Variants in DSCAM observed in about 807,000 individuals in gnomAD.
DSCAM encodes cell adhesion molecule DSCAM.
A neutral mutation model predicts 217.7 loss-of-function variants in DSCAM; 47 were observed. The ratio of observed to expected loss-of-function variants is 0.22; its 90% CI spans 0.17 to 0.28. DSCAM has a LOEUF of 0.28. DSCAM is among the 10% of genes least tolerant of loss of function. DSCAM has a pLI of 1.00. For missense variants in DSCAM, 2,080 were observed against 2,618.3 expected, an observed-to-expected ratio of 0.79 and a Z score of 4.49; for synonymous variants, 1,056 against 1,015.3, an observed-to-expected ratio of 1.04 and a Z score of -0.76.
At chr21:40,057,308 A>G (rs868334743) in intron 28 of DSCAM, among the ~76,000 whole-genome samples, 3 of 152,352 alleles carry the variant, frequency 2.0e-5, no homozygotes, top group Middle Eastern at 3.4e-3. Context: ...TGTTAAAAAG[A>G]GAGTAATGAA....
At chr21:40,319,200 G>A (rs2074233148) in intron 8 of DSCAM, among the ~76,000 whole-genome samples, 1 of 152,096 alleles carries the variant, frequency 6.6e-6, no homozygotes, top group Admixed American at 6.5e-5. Flanking sequence ...AATTATTTAA[G>A]GTGTACTCAA....
rs545192218 is a variant in DSCAM, at chr21:40,556,062, GAT to G, written c.508+136746_508+136747del. Reference sequence around the variant, plus strand: ...AAATAGAGTGTATAGAAGAAAAAGTGATGTTTAATATTTGCTTAAATTTTCTC... The same window carrying G: ...AAATAGAGTGTATAGAAGAAAAAGTGGTTTAATATTTGCTTAAATTTTCTC... On this transcript the variant is annotated intron_variant, in intron 3 of 32. Coordinates refer to ENST00000400454, the MANE Select transcript of DSCAM (RefSeq NM_001389.5). Among the ~76,000 whole-genome samples the G allele has an allele frequency of 6.6e-5, 10 of 152,242 alleles. No individual in the cohort carries two copies. The South Asian group carries it at 2.1e-3, about 32-fold the overall frequency.
At chr21:40,133,158 C>T in intron 19 of DSCAM, among the ~76,000 whole-genome samples, 1 of 152,212 alleles carries the variant, frequency 6.6e-6, no homozygotes, top group East Asian at 1.9e-4. Context: ...TTTATCAGAA[C>T]TTATCTGTTC....
At position 40,011,943 on chromosome 21, in the gene DSCAM, A is replaced by G. The variant is rs2088063038; in HGVS notation, c.*1091T>C. 1 of 152,242 alleles carries G rather than the reference A, an allele frequency of 6.6e-6. No homozygotes were observed. The highest frequency in any genetic ancestry group is 1.5e-5 in the Non-Finnish European group (1 of 68,050). 9.4% of individuals were successfully genotyped at this position (152,242 alleles called of 1,614,324 possible). ...TGGCAAATGTTTCCTGTAATGGGCC[A>G]GGTAATAAATATTTTAGGCTTCATG... On this transcript the variant is annotated 3_prime_UTR_variant, in exon 33 of 33. Coordinates refer to ENST00000400454, the MANE Select transcript of DSCAM (RefSeq NM_001389.5).
chr21:40,168,141 A>G (rs2090617774), intron 15 of DSCAM, among the ~76,000 whole-genome samples: 1 of 152,244 alleles, frequency 6.6e-6, no homozygotes, highest in Admixed American at 6.5e-5. Flanking sequence ...GCAATGTTAA[A>G]GAGGAAACAA....
At chr21:40,688,173 A>C (rs17758109) in intron 3 of DSCAM, among the ~76,000 whole-genome samples, 4,607 of 152,306 alleles carry the variant, frequency 0.03, 125 homozygotes, top group East Asian at 0.13. Context: ...TTTCTCTGGG[A>C]ATAGTAAAAT....
chr21:40,597,529 CAG>C (rs1435566287), intron 3 of DSCAM, among the ~76,000 whole-genome samples: 2 of 95,428 alleles, frequency 2.1e-5, no homozygotes, highest in Non-Finnish European at 3.8e-5. Context: ...TTTTTGGAGA[CAG>C]AGTTTTACTC....
chr21:40,562,231 C>T (rs1253807078), intron 3 of DSCAM, among the ~76,000 whole-genome samples: 1 of 152,156 alleles, frequency 6.6e-6, no homozygotes, highest in Non-Finnish European at 1.5e-5. Flanking sequence ...TTCCCCCATG[C>T]GGTTCTCATG....
intron 27 of DSCAM, among the ~76,000 whole-genome samples, chr21:40,063,831 C>T (rs149454213): frequency 1.3e-3 from 199 of 152,228 alleles, no homozygotes; most frequent in African/African-American, 4.5e-3. Context: ...TTCTGAAAGA[C>T]GTGGACAGTC....
chr21:40,159,949 T>G (rs1050252357), intron 16 of DSCAM, among the ~76,000 whole-genome samples: 5 of 152,192 alleles, frequency 3.3e-5, no homozygotes, highest in Non-Finnish European at 5.9e-5. Flanking sequence ...TTCACCACAT[T>G]TACATTTATT....
intron 11 of DSCAM, among the ~76,000 whole-genome samples, chr21:40,275,716 G>A (rs191025553): frequency 2.6e-5 from 4 of 152,274 alleles, no homozygotes; most frequent in Admixed American, 2.0e-4. Flanking sequence ...TTTGTAAAGA[G>A]CACATCTGAG....
chr21:40,244,366 G>T (rs922512458), intron 11 of DSCAM, among the ~76,000 whole-genome samples: 2 of 151,060 alleles, frequency 1.3e-5, no homozygotes, highest in Admixed American at 6.6e-5. Context: ...CAGGAGAATC[G>T]CTTGAACCCA....
At chr21:40,639,026 C>T (rs907900119) in intron 3 of DSCAM, among the ~76,000 whole-genome samples, 1 of 151,894 alleles carries the variant, frequency 6.6e-6, no homozygotes, top group Non-Finnish European at 1.5e-5. Flanking sequence ...GCAGGGGATT[C>T]CCATGTTTGC....
intron 3 of DSCAM, among the ~76,000 whole-genome samples, chr21:40,402,979 C>T (rs1162373911): frequency 6.6e-6 from 1 of 151,568 alleles, no homozygotes; most frequent in Non-Finnish European, 1.5e-5. Flanking sequence ...ACCCCCCCAC[C>T]CCATAATTCA....
chr21:40,691,436 A>G (rs532806451), intron 3 of DSCAM, among the ~76,000 whole-genome samples: 9 of 152,288 alleles, frequency 5.9e-5, no homozygotes, highest in African/African-American at 2.2e-4. Context: ...TGCCATATAA[A>G]TTGGAGGGCC....
chr21:40,373,082 C>T (rs1297920317), intron 3 of DSCAM, among the ~76,000 whole-genome samples: 1 of 152,184 alleles, frequency 6.6e-6, no homozygotes, highest in Non-Finnish European at 1.5e-5. Context: ...CCGCAAAAAA[C>T]ACTCATAGAG....
rs557877849 is a variant in DSCAM at position 40,038,760 on chromosome 21, A to C, written c.5686+3611T>G. On this transcript the variant is annotated intron_variant, in intron 32 of 32. Coordinates refer to ENST00000400454, the MANE Select transcript of DSCAM (RefSeq NM_001389.5). ...TTATTCACAATAGCAAAGACTTGGA[A>C]CCAACCCAAATGTCCAACAATGATA... is the stretch of plus-strand genomic sequence containing the variant. 3.1e-3 allele frequency among the ~76,000 whole-genome samples: 457 copies of C among 147,818 alleles called. 5 individuals are homozygous for C. Among genetic ancestry groups the C allele is most frequent in the African/African-American group, 0.011 (419 of 39,758 alleles).
chr21:40,074,348 G>A (rs1204028486), intron 27 of DSCAM, among the ~76,000 whole-genome samples: 1 of 152,192 alleles, frequency 6.6e-6, no homozygotes, highest in Non-Finnish European at 1.5e-5. Context: ...CTGGGAACAC[G>A]TCTGCACAGT....
chr21:40,291,908 C>T (rs1023197660), intron 10 of DSCAM, among the ~76,000 whole-genome samples: 1 of 152,176 alleles, frequency 6.6e-6, no homozygotes, highest in Non-Finnish European at 1.5e-5. Flanking sequence ...TATTCTCTCG[C>T]ATTTGCAGTC....
Sources: gnomAD v4.1 joint callset for allele counts (sites outside exome capture counted in the v4.1 genomes callset) on GRCh38, gnomAD v4.1.1 for gene constraint, MANE v1.5 for transcripts, NCBI Gene and HGNC (gene_info 2026-07-23, HGNC 2026-07-21) for gene names.